CFAP95: variants seen among roughly 807,000 people sequenced by gnomAD.
The protein encoded by CFAP95 is cilia- and flagella-associated protein 95.
At chr9:69,833,732 A>C in the CFAP95 span, among the ~76,000 whole-genome samples, 2 of 152,122 alleles carry the variant, frequency 1.3e-5, no homozygotes, top group Non-Finnish European at 2.9e-5. Flanking sequence ...ATTTTGCCAA[A>C]AATTTATTTG....
the CFAP95 span, among the ~76,000 whole-genome samples, chr9:69,869,951 A>G: frequency 2.0e-5 from 3 of 152,228 alleles, no homozygotes; most frequent in Non-Finnish European, 2.9e-5. Context: ...AGTTGATCTC[A>G]GTGAATAGTA....
At chr9:69,905,550 A>G in the CFAP95 span, among the ~76,000 whole-genome samples, 1 of 152,214 alleles carries the variant, frequency 6.6e-6, no homozygotes, top group Non-Finnish European at 1.5e-5. Context: ...AACAATTATT[A>G]AAGATATAAC....
the CFAP95 span, chr9:69,844,463 C>A: frequency 1.8e-6 from 2 of 1,085,482 alleles, no homozygotes; most frequent in Non-Finnish European, 2.6e-6. Flanking sequence ...AATCTGAATG[C>A]AATACAGAAT....
the CFAP95 span, among the ~76,000 whole-genome samples, chr9:69,831,640 G>A: frequency 3.3e-5 from 5 of 152,162 alleles, no homozygotes; most frequent in African/African-American, 9.7e-5. Context: ...TAAGCAGGTT[G>A]CTCAGGGAGC....
At chr9:69,866,829 G>A in the CFAP95 span, among the ~76,000 whole-genome samples, 8 of 152,122 alleles carry the variant, frequency 5.3e-5, no homozygotes, top group South Asian at 2.1e-4. Flanking sequence ...TAAACTACCC[G>A]GGCTCCTGGT....
chr9:69,837,951 A>G, the CFAP95 span, among the ~76,000 whole-genome samples: 2 of 152,250 alleles, frequency 1.3e-5, no homozygotes, highest in East Asian at 1.9e-4. Context: ...TCTACATATG[A>G]CTAGCCAGTT....
chr9:69,902,373 T>C, the CFAP95 span: 1 of 453,094 alleles, frequency 2.2e-6, no homozygotes, highest in East Asian at 7.0e-5. Context: ...ATTGACATTC[T>C]AAAGTCCTCA....
the CFAP95 span, among the ~76,000 whole-genome samples, chr9:69,897,477 G>A: frequency 6.6e-6 from 1 of 152,134 alleles, no homozygotes; most frequent in Non-Finnish European, 1.5e-5. Flanking sequence ...ATTAGGCAGA[G>A]TTACTACGTT....
the CFAP95 span, among the ~76,000 whole-genome samples, chr9:69,899,489 G>A: frequency 2.6e-5 from 4 of 152,168 alleles, no homozygotes; most frequent in African/African-American, 4.8e-5. Flanking sequence ...TGAAGAAAAC[G>A]CTCACTTTCT....
the CFAP95 span, among the ~76,000 whole-genome samples, chr9:69,894,395 G>A: frequency 4.6e-5 from 7 of 152,106 alleles, no homozygotes; most frequent in African/African-American, 1.7e-4. Flanking sequence ...GTTGCTGGTA[G>A]ATGAGTAGAA....
At chr9:69,866,106 C>A in the CFAP95 span, among the ~76,000 whole-genome samples, 2 of 152,138 alleles carry the variant, frequency 1.3e-5, no homozygotes, top group African/African-American at 4.8e-5. Flanking sequence ...ACTAAGAGAC[C>A]TCTGGCACAT....
chr9:69,823,366 T>C, the CFAP95 span, among the ~76,000 whole-genome samples: 1 of 152,136 alleles, frequency 6.6e-6, no homozygotes, highest in African/African-American at 2.4e-5. Flanking sequence ...GAGATTTGGG[T>C]GGGGACACAG....
At chr9:69,849,210 C>T in the CFAP95 span, among the ~76,000 whole-genome samples, 8 of 152,236 alleles carry the variant, frequency 5.3e-5, no homozygotes, top group East Asian at 1.5e-3. Context: ...GGAGTTTGGT[C>T]TATTTTGTTC....
the CFAP95 span, among the ~76,000 whole-genome samples, chr9:69,884,024 T>C: frequency 6.6e-6 from 1 of 152,128 alleles, no homozygotes; most frequent in African/African-American, 2.4e-5. Flanking sequence ...ATGTAGGCAC[T>C]TATAGCTATA....
the CFAP95 span, among the ~76,000 whole-genome samples, chr9:69,880,303 C>G: frequency 6.6e-6 from 1 of 152,150 alleles, no homozygotes; most frequent in African/African-American, 2.4e-5. Context: ...CCTTCCCTGC[C>G]CTGACTATCC....
chr9:69,868,274 G>T, the CFAP95 span, among the ~76,000 whole-genome samples: 498 of 101,364 alleles, frequency 4.9e-3, 8 homozygotes, highest in African/African-American at 0.015. Context: ...GAAATGAAAT[G>T]ATTTTTTTGG....
At chr9:69,878,840 A>G in the CFAP95 span, among the ~76,000 whole-genome samples, 1 of 152,234 alleles carries the variant, frequency 6.6e-6, no homozygotes, top group Admixed American at 6.5e-5. Context: ...TATAGGAAAC[A>G]TGGTGCTGGC....
the CFAP95 span, among the ~76,000 whole-genome samples, chr9:69,853,668 C>T: frequency 6.6e-6 from 1 of 152,162 alleles, no homozygotes; most frequent in Non-Finnish European, 1.5e-5. Flanking sequence ...GATTTTTTCA[C>T]ATTAAGATGG....
At chr9:69,841,167 TATATATA>T in the CFAP95 span, among the ~76,000 whole-genome samples, 11 of 92,444 alleles carry the variant, frequency 1.2e-4, no homozygotes, top group East Asian at 2.8e-4. Flanking sequence ...AGCTGGATTA[TATATATA>T]TATATATATA....
Sources: gnomAD v4.1 joint callset for allele counts (sites outside exome capture counted in the v4.1 genomes callset) on GRCh38, gnomAD v4.1.1 for gene constraint, MANE v1.5 for transcripts, NCBI Gene and HGNC (gene_info 2026-07-23, HGNC 2026-07-21) for gene names.